Variants in NEDD4 observed in about 807,000 individuals in gnomAD.
NEDD4 encodes E3 ubiquitin-protein ligase NEDD4.
NEDD4 carries 99 observed loss-of-function variants against 144.9 expected under a neutral mutation model. The observed-to-expected ratio is 0.68, with a 90% CI of 0.58 to 0.81. The LOEUF (loss-of-function observed/expected upper bound fraction) is 0.81, where lower values mean the gene tolerates loss of function less well. Ranked by LOEUF, NEDD4 falls within the 30% of genes least tolerant of loss-of-function variation. The pLI is 0.00. For synonymous variants in NEDD4, 318 were observed against 350.6 expected (o/e 0.91, Z 1.04); for missense variants, 985 against 1,065.9 (o/e 0.92, Z 1.06).
chr15:55,852,265 A>T (rs1034912129), intron 13 of NEDD4, among the ~76,000 whole-genome samples, 159 bp downstream of exon 13: 13 of 151,870 alleles, frequency 8.6e-5, no homozygotes, highest in Non-Finnish European at 1.8e-4. Context: ...ATTGGACTCC[A>T]GCCTGGGCGA....
chr15:55,930,876 G>C (rs1419256691), intron 4 of NEDD4, among the ~76,000 whole-genome samples: 1 of 152,178 alleles, frequency 6.6e-6, no homozygotes, highest in African/African-American at 2.4e-5. Flanking sequence ...CAGCCATGTG[G>C]AACTGTGAGT....
chr15:55,841,992 AGAACCATT>A lies in NEDD4; in HGVS notation c.1772_1779del (p.Glu591ValfsTer9). 6.2e-7 allele frequency: 1 copy of A among 1,614,236 alleles called. No homozygotes were observed. ...TTAAACATTTCCTTTGAGATCAGGA[AGAACCATT>A]CTCTGGCAACTCCTCCATAATCCAA... On this transcript the variant is annotated frameshift_variant, in exon 19 of 29. Coordinates refer to ENST00000435532, the MANE Select transcript of NEDD4 (RefSeq NM_006154.4). LOFTEE classifies it high-confidence loss of function.
intron 5 of NEDD4, chr15:55,916,979 T>A: frequency 7.2e-7 from 1 of 1,381,620 alleles, no homozygotes; most frequent in Non-Finnish European, 9.3e-7. Context: ...TTATCCTAAG[T>A]AAAACATTAG....
chr15:55,931,205 G>A (rs1338910005), intron 4 of NEDD4, among the ~76,000 whole-genome samples: 1 of 152,152 alleles, frequency 6.6e-6, no homozygotes, highest in Non-Finnish European at 1.5e-5. Flanking sequence ...CCAAACATAA[G>A]TTGGCTATTT....
At chr15:55,925,723 C>A (rs1485265262) in intron 4 of NEDD4, among the ~76,000 whole-genome samples, 1 of 152,060 alleles carries the variant, frequency 6.6e-6, no homozygotes, top group Non-Finnish European at 1.5e-5. Context: ...ATCTAGATAC[C>A]TAACTCAGTG....
In NEDD4 at chr15:55,842,126, C is replaced by T. The variant is rs751833836; in HGVS notation, c.1646G>A (p.Arg549Gln). The change falls in exon 19 of 29, where the codon CGA (arginine) becomes CAA (glutamine). Residue 549 changes from arginine to glutamine, a missense_variant. Physicochemically the swap from Arg to Gln is conservative, Grantham distance 43. Coordinates refer to ENST00000435532, the MANE Select transcript of NEDD4 (RefSeq NM_006154.4). ...GTAAGAGTCTTCAAGAACAGTTGCT[C>T]GGCGAAGTTTCATTTCAAATTTGTT... ...IPNKFEMKLR[R>Q]ATVLEDSYRR... The T allele has an allele frequency of 2.0e-5, 32 of 1,613,932 alleles. No homozygotes were observed. The highest frequency in any genetic ancestry group is 1.6e-4 in the Middle Eastern group (1 of 6,084).
intron 2 of NEDD4, among the ~76,000 whole-genome samples, chr15:55,960,872 C>T (rs766260285): frequency 5.3e-5 from 8 of 152,234 alleles, no homozygotes; most frequent in East Asian, 1.9e-4. Context: ...TCCCCACCCA[C>T]TAGTTGACTG....
At chr15:55,956,349 T>C (rs995322122) in intron 2 of NEDD4, among the ~76,000 whole-genome samples, 1 of 152,190 alleles carries the variant, frequency 6.6e-6, no homozygotes, top group Non-Finnish European at 1.5e-5. Flanking sequence ...TTATGGCTCA[T>C]CCTTTTTGGT....
In NEDD4 at chr15:55,860,469, C is replaced by T. The variant is rs1388560912; in HGVS notation, c.898G>A (p.Glu300Lys). The change falls in exon 11 of 29, where the codon GAA becomes AAA. Residue 300 changes from glutamate to lysine, a missense_variant. Glu to Lys is a moderately conservative substitution (Grantham distance 56, BLOSUM62 1). Transcript: ENST00000435532. The part of the protein sequence containing the change: ...NLDVPTHLAE[E>K]LNARLTIFGN... ...AAAATGGTGAGTCTGGCATTCAATTCTTCTGCAAGATGAGTTGGAACATCC... is the reference window on the plus strand; with the variant it reads ...AAAATGGTGAGTCTGGCATTCAATTTTTCTGCAAGATGAGTTGGAACATCC... The T allele has an allele frequency of 6.2e-7, 1 of 1,614,010 alleles. No individual in the cohort carries two copies. The highest frequency in any genetic ancestry group is 8.5e-7 in the Non-Finnish European group (1 of 1,180,012).
Position 55,840,661 on chromosome 15 carries a change from G to C in NEDD4, c.1905C>G (p.Phe635Leu). 6.2e-7 allele frequency: 1 copy of C among 1,614,094 alleles called. No individual in the cohort carries two copies. The highest frequency in any genetic ancestry group is 1.6e-4 in the Middle Eastern group (1 of 6,062). The change falls in exon 20 of 29, where the codon TTC becomes TTG. Residue 635 changes from phenylalanine to leucine, a missense_variant. Physicochemically the swap from Phe to Leu is conservative, Grantham distance 22. Coordinates refer to ENST00000435532, the MANE Select transcript of NEDD4 (RefSeq NM_006154.4). ...TTCCAGCTACCCGACCAATAAACTT[G>C]AAGTAAGAGAGGTGATCTTCGTTAC... Reference protein sequence around the residue: ...GLCNEDHLSYFKFIGRVAGMA... With the variant: ...GLCNEDHLSYLKFIGRVAGMA...
rs551273647 is a variant in NEDD4, at chr15:55,936,265, G to A, written c.238-11566C>T. Among the ~76,000 whole-genome samples the A allele has an allele frequency of 8.6e-5, 13 of 152,020 alleles. No individual in the cohort carries two copies. The East Asian group carries it at 2.5e-3, about 29-fold the overall frequency. ...AATTATGAGTTACCTGTTCACACTG[G>A]TCCATACTAGACAGTAAGTTTCATT... On this transcript the variant is annotated intron_variant, in intron 4 of 28. Coordinates refer to ENST00000435532, the MANE Select transcript of NEDD4 (RefSeq NM_006154.4).
intron 2 of NEDD4, among the ~76,000 whole-genome samples, chr15:55,958,092 C>T (rs1461416078): frequency 6.6e-6 from 1 of 152,072 alleles, no homozygotes; most frequent in East Asian, 1.9e-4. Flanking sequence ...ACATTGTGCA[C>T]ATGTACCCTA....
intron 25 of NEDD4, 21 bp downstream of exon 25, chr15:55,834,206 A>T: frequency 1.2e-6 from 2 of 1,609,904 alleles, no homozygotes; most frequent in Non-Finnish European, 1.7e-6. Context: ...TTCTGTTTCA[A>T]CATAAAATGT....
intron 5 of NEDD4, among the ~76,000 whole-genome samples, chr15:55,882,615 A>G (rs1345590863): frequency 2.0e-5 from 3 of 152,164 alleles, no homozygotes; most frequent in Non-Finnish European, 4.4e-5. Context: ...TGCAATTCCT[A>G]GTTAAGTCCT....
intron 1 of NEDD4, among the ~76,000 whole-genome samples, chr15:55,984,758 T>G (rs1287370366): frequency 3.9e-5 from 6 of 152,172 alleles, no homozygotes; most frequent in African/African-American, 1.4e-4. Context: ...TCCTATCCCC[T>G]CCCCATTCAT....
intron 5 of NEDD4, among the ~76,000 whole-genome samples, chr15:55,910,317 C>G (rs1448223288): frequency 6.6e-6 from 1 of 152,058 alleles, no homozygotes; most frequent in African/African-American, 2.4e-5. Context: ...CCTGAGCCTA[C>G]TCTTGCTAAT....
chr15:55,940,057 A>G (rs956247010), intron 4 of NEDD4, among the ~76,000 whole-genome samples: 7 of 152,250 alleles, frequency 4.6e-5, no homozygotes, highest in Admixed American at 3.3e-4. Context: ...GCCATTTCCA[A>G]CAAAATGGAT....
At chr15:55,886,048 G>A (rs181417230) in intron 5 of NEDD4, among the ~76,000 whole-genome samples, 133 of 152,180 alleles carry the variant, frequency 8.7e-4, no homozygotes, top group Admixed American at 1.6e-3. Flanking sequence ...AAGGGCATGA[G>A]TAGCTGTATC....
intron 4 of NEDD4, among the ~76,000 whole-genome samples, chr15:55,943,691 T>C (rs528905520): frequency 6.6e-6 from 1 of 152,256 alleles, no homozygotes; most frequent in East Asian, 1.9e-4. Flanking sequence ...ATGGAGAACT[T>C]CTATTAGGGC....
Sources: allele counts gnomAD v4.1 joint callset (sites outside exome capture counted in the v4.1 genomes callset), GRCh38; gene constraint gnomAD v4.1.1; transcripts MANE v1.5; gene names NCBI Gene and HGNC (gene_info 2026-07-23, HGNC 2026-07-21).